The following ATAD1 variants were observed in gnomAD, a reference collection of about 807,000 sequenced individuals.
The protein encoded by ATAD1 is outer mitochondrial transmembrane helix translocase.
In ATAD1, 18 loss-of-function variants were observed where a neutral mutation model predicts 42.7. The ratio of observed to expected loss-of-function variants is 0.42; its 90% CI spans 0.29 to 0.63. The LOEUF (loss-of-function observed/expected upper bound fraction) is 0.63. Ranked by LOEUF, ATAD1 falls within the 20% of genes least tolerant of loss-of-function variation. ATAD1 has a pLI of 0.19. For missense variants in ATAD1, 294 were observed against 440.4 expected (o/e 0.67, Z 2.98); for synonymous variants, 132 against 143.1 (o/e 0.92, Z 0.55).
chr10:87,805,450 G>T (rs1856878563), intron 2 of ATAD1, among the ~76,000 whole-genome samples: 1 of 152,062 alleles, frequency 6.6e-6, no homozygotes, highest in Non-Finnish European at 1.5e-5. Flanking sequence ...TAATGCTTGA[G>T]AATAGTAACA....
chr10:87,814,815 A>C, intron 1 of ATAD1: 1 of 329,826 alleles, frequency 3.0e-6, no homozygotes, highest in Non-Finnish European at 5.4e-6. Flanking sequence ...CTCCTCTTGC[A>C]AACTAGAAGT....
chr10:87,781,125 A>G (rs1050307648), intron 5 of ATAD1, among the ~76,000 whole-genome samples: 9 of 152,202 alleles, frequency 5.9e-5, no homozygotes, highest in Non-Finnish European at 1.3e-4. Context: ...GAATTCTCAT[A>G]TAAAAGCAAG....
intron 2 of ATAD1, among the ~76,000 whole-genome samples, chr10:87,795,704 G>C (rs1856354464): frequency 6.6e-6 from 1 of 151,958 alleles, no homozygotes; most frequent in Admixed American, 6.6e-5. Flanking sequence ...AGATTAAGAA[G>C]TGGAATAGGA....
Position 87,817,067 on chromosome 10 carries a change from AAG to A in ATAD1, c.-14+1098_-14+1099del, listed in dbSNP as rs576209879. ...CAATTCTGAAATTTTTAATGTAATAAAGACTTAGGTCTACTAAGGCCACTTGT... is the reference window on the plus strand; with the variant it reads ...CAATTCTGAAATTTTTAATGTAATAAACTTAGGTCTACTAAGGCCACTTGT... On this transcript the variant is annotated intron_variant, in intron 1 of 9. Coordinates refer to ENST00000680024, the MANE Select transcript of ATAD1 (RefSeq NM_001321967.2). Among the ~76,000 whole-genome samples, 457 of 152,310 alleles carry A rather than the reference AAG, an allele frequency of 3.0e-3. 2 individuals carry two copies. Among genetic ancestry groups the A allele is most frequent in the Middle Eastern group, 6.8e-3 (2 of 294 alleles).
chr10:87,791,030 C>CA (rs34722647), intron 3 of ATAD1, among the ~76,000 whole-genome samples: 2,144 of 66,148 alleles, frequency 0.032, 57 homozygotes, highest in African/African-American at 0.076. Flanking sequence ...ACTAAAATTA[C>CA]AAAAAAAAAA....
chr10:87,778,178 T>TTA (rs1554877054), intron 5 of ATAD1, among the ~76,000 whole-genome samples: 10 of 88,762 alleles, frequency 1.1e-4, no homozygotes, highest in Non-Finnish European at 1.8e-4. Flanking sequence ...TAGAATAAAT[T>TTA]AAAAAAAAAA....
chr10:87,825,933 G>A (rs2132102086), intron 1 of ATAD1, among the ~76,000 whole-genome samples: 1 of 152,210 alleles, frequency 6.6e-6, no homozygotes, highest in East Asian at 1.9e-4. Context: ...AAAGTTGAGG[G>A]AGCTTTACTG....
rs78897585 is a variant in ATAD1 at position 87,815,236 on chromosome 10, T to G, written c.-13-624A>C. ...AATAGAACTTGGAAAAATCTTGAAC[T>G]GAGACAACTACTACAAGAATACAGC... On this transcript the variant is annotated intron_variant, in intron 1 of 9. Coordinates refer to ENST00000680024, the MANE Select transcript of ATAD1 (RefSeq NM_001321967.2). 6.3e-3 allele frequency among the ~76,000 whole-genome samples: 958 copies of G among 152,050 alleles called. 11 individuals are homozygous for G. Among genetic ancestry groups the G allele is most frequent in the African/African-American group, 0.022 (927 of 41,482 alleles).
upstream of ATAD1, chr10:87,818,317 T>C (rs1857531904): frequency 2.1e-6 from 2 of 946,850 alleles, no homozygotes. Flanking sequence ...GGAGGGGGCG[T>C]GCTCCCAGGC....
chr10:87,793,649 G>T (rs1173276459), intron 2 of ATAD1, among the ~76,000 whole-genome samples: 1 of 152,048 alleles, frequency 6.6e-6, no homozygotes, highest in East Asian at 1.9e-4. Flanking sequence ...TATTTGCCCT[G>T]ATTTCTTCAA....
intron 5 of ATAD1, among the ~76,000 whole-genome samples, chr10:87,777,853 G>A (rs2131847798): frequency 6.6e-6 from 1 of 152,190 alleles, no homozygotes; most frequent in African/African-American, 2.4e-5. Flanking sequence ...TGACACATGA[G>A]AGTCCTGCAA....
At chr10:87,771,554 C>T (rs933668958) in intron 6 of ATAD1, among the ~76,000 whole-genome samples, 20 of 151,998 alleles carry the variant, frequency 1.3e-4, no homozygotes, top group African/African-American at 4.6e-4. Context: ...CTCTATATTT[C>T]ACATCATCAT....
chr10:87,807,284 T>C lies in ATAD1; in HGVS notation c.162+7154A>G, dbSNP rs187642058. 3.5e-3 allele frequency among the ~76,000 whole-genome samples: 530 copies of C among 152,294 alleles called. 4 individuals are homozygous for C. The highest frequency in any genetic ancestry group is 0.012 in the African/African-American group (493 of 41,576). On this transcript the variant is annotated intron_variant, in intron 2 of 9. Transcript: ENST00000680024. ...CAGGGCTGCTATGAGCACTCTTGTA[T>C]GTATCTCCTGGTTCTTCGCTATATG...
intron 8 of ATAD1, among the ~76,000 whole-genome samples, chr10:87,761,904 A>G (rs1449748132): frequency 6.6e-6 from 1 of 151,766 alleles, no homozygotes; most frequent in African/African-American, 2.4e-5. Flanking sequence ...AGGCAGACCC[A>G]TTTAAATTTT....
intron 1 of ATAD1, among the ~76,000 whole-genome samples, chr10:87,834,457 C>G (rs1032530544): frequency 3.9e-5 from 6 of 152,036 alleles, no homozygotes; most frequent in Admixed American, 3.9e-4. Context: ...AATTTAATTT[C>G]TTTACAGGTA....
intron 5 of ATAD1, among the ~76,000 whole-genome samples, chr10:87,777,544 A>G (rs997941455): frequency 2.6e-5 from 4 of 151,994 alleles, no homozygotes; most frequent in Non-Finnish European, 5.9e-5. Context: ...AAAAAAGGGG[A>G]AAACAATTTT....
chr10:87,831,398 G>T (rs1326434108), intron 1 of ATAD1, among the ~76,000 whole-genome samples: 1 of 152,230 alleles, frequency 6.6e-6, no homozygotes, highest in African/African-American at 2.4e-5. Flanking sequence ...CAGTGAGGCT[G>T]CACAGATTAA....
chr10:87,778,176 A>AT (rs1217402546), intron 5 of ATAD1, among the ~76,000 whole-genome samples: 2 of 129,622 alleles, frequency 1.5e-5, no homozygotes, highest in African/African-American at 6.1e-5. Context: ...ATTAGAATAA[A>AT]TTAAAAAAAA....
At chr10:87,805,940 T>A (rs1856902277) in intron 2 of ATAD1, among the ~76,000 whole-genome samples, 1 of 152,118 alleles carries the variant, frequency 6.6e-6, no homozygotes, top group Non-Finnish European at 1.5e-5. Context: ...TCCTTGACCA[T>A]TCTATAACAC....
Sources: gnomAD v4.1 joint callset for allele counts (sites outside exome capture counted in the v4.1 genomes callset) on GRCh38, gnomAD v4.1.1 for gene constraint, MANE v1.5 for transcripts, NCBI Gene and HGNC (gene_info 2026-07-23, HGNC 2026-07-21) for gene names.